CNBD1: variants seen among roughly 807,000 people sequenced by gnomAD.
CNBD1 encodes the protein cyclic nucleotide binding domain containing 1, also known as cyclic nucleotide-binding domain-containing protein 1.
CNBD1 carries 71 observed loss-of-function variants against 54.4 expected under a neutral mutation model. The observed-to-expected ratio is 1.30, with a 90% CI of 1.08 to 1.59. The LOEUF is 1.59. Ranked by LOEUF, CNBD1 falls within the 40% of genes most tolerant of loss-of-function variation. The pLI is 0.00. For missense variants in CNBD1, 659 were observed against 518.0 expected, an observed-to-expected ratio of 1.27 and a Z score of -2.64; for synonymous variants, 182 against 170.7, an observed-to-expected ratio of 1.07 and a Z score of -0.51.
At chr8:87,277,643 G>T (rs985080507) in intron 6 of CNBD1, among the ~76,000 whole-genome samples, 6 of 151,640 alleles carry the variant, frequency 4.0e-5, no homozygotes, top group Non-Finnish European at 5.9e-5. Context: ...CAGTCTATCA[G>T]TTGAAACCCA....
chr8:87,332,080 G>A (rs932515490), intron 8 of CNBD1, among the ~76,000 whole-genome samples: 2 of 152,058 alleles, frequency 1.3e-5, no homozygotes, highest in East Asian at 3.9e-4. Context: ...GGGCGTTGGG[G>A]CTCATACTTG....
chr8:87,192,318 G>A (rs538298351), intron 4 of CNBD1, among the ~76,000 whole-genome samples: 3 of 152,082 alleles, frequency 2.0e-5, no homozygotes, highest in East Asian at 3.9e-4. Context: ...TTATAAATTT[G>A]TATTCTTTTT....
At chr8:86,934,946 G>T (rs1217123173) in intron 3 of CNBD1, among the ~76,000 whole-genome samples, 1 of 152,090 alleles carries the variant, frequency 6.6e-6, no homozygotes, top group Non-Finnish European at 1.5e-5. Flanking sequence ...GGCTAGGCTG[G>T]CCTCATAAAA....
chr8:87,258,510 G>T (rs1359811328), intron 6 of CNBD1, among the ~76,000 whole-genome samples: 1 of 151,696 alleles, frequency 6.6e-6, no homozygotes, highest in Non-Finnish European at 1.5e-5. Context: ...TGCAACCACT[G>T]CAACTCCTAA....
At chr8:86,936,116 G>T (rs1696063317) in intron 3 of CNBD1, among the ~76,000 whole-genome samples, 1 of 151,940 alleles carries the variant, frequency 6.6e-6, no homozygotes, top group Admixed American at 6.6e-5. Context: ...TCCATCCTGG[G>T]TGACAAAGAT....
intron 2 of CNBD1, among the ~76,000 whole-genome samples, chr8:87,405,875 T>G (rs368977386): frequency 1.3e-5 from 2 of 152,148 alleles, no homozygotes; most frequent in Non-Finnish European, 2.9e-5. Context: ...ATTATTGATA[T>G]CTATTTCATC....
At chr8:87,046,585 T>G (rs866528253) in intron 4 of CNBD1, among the ~76,000 whole-genome samples, 1 of 152,064 alleles carries the variant, frequency 6.6e-6, no homozygotes, top group Non-Finnish European at 1.5e-5. Flanking sequence ...CCCTGTCCCT[T>G]GAAGGGAGGA....
At chr8:87,035,282 A>G (rs1213446333) in intron 4 of CNBD1, among the ~76,000 whole-genome samples, 1 of 152,178 alleles carries the variant, frequency 6.6e-6, no homozygotes. Flanking sequence ...TAACCCAAAT[A>G]TTGAATATTG....
rs7013347 is a variant in CNBD1 at position 87,141,288 on chromosome 8, G to A, written c.432-64705G>A. ...CCAGTGATATGATGTAGAAATCAAT[G>A]CTGTTGTTACTAACTTAATGGAAGT... On this transcript the variant is annotated intron_variant, in intron 4 of 10. Transcript: ENST00000518476. Among the ~76,000 whole-genome samples the A allele has an allele frequency of 3.0e-3, 464 of 152,170 alleles. 4 individuals are homozygous for A. Among genetic ancestry groups the A allele is most frequent in the African/African-American group, 0.01 (434 of 41,540 alleles).
rs148621436 is a variant in CNBD1 at position 87,159,895 on chromosome 8, G to T, written c.432-46098G>T. Among the ~76,000 whole-genome samples the T allele has an allele frequency of 2.7e-3, 413 of 151,750 alleles. 3 individuals are homozygous for T. Among genetic ancestry groups the T allele is most frequent in the African/African-American group, 9.6e-3 (397 of 41,378 alleles). The stretch of plus-strand genomic sequence containing the variant: ...GTAGCATTTATATTTAAAGGGGGTG[G>T]ATATATTTTTAATATTTTAACAGAT... On this transcript the variant is annotated intron_variant, in intron 4 of 10. Coordinates refer to ENST00000518476, the MANE Select transcript of CNBD1 (RefSeq NM_173538.3).
chr8:87,189,794 C>A (rs902180319), intron 4 of CNBD1, among the ~76,000 whole-genome samples: 2 of 152,068 alleles, frequency 1.3e-5, no homozygotes, highest in Admixed American at 1.3e-4. Flanking sequence ...CAAATAAAAT[C>A]AATTGTTATT....
At chr8:87,381,235 A>G (rs958651764) in intron 10 of CNBD1, among the ~76,000 whole-genome samples, 1 of 152,090 alleles carries the variant, frequency 6.6e-6, no homozygotes, top group Non-Finnish European at 1.5e-5. Context: ...ACTTGAATAT[A>G]CATTTCTCTA....
chr8:87,308,192 G>A (rs1173527556), intron 8 of CNBD1, among the ~76,000 whole-genome samples: 2 of 152,012 alleles, frequency 1.3e-5, no homozygotes, highest in South Asian at 4.2e-4. Context: ...AATTTACTTG[G>A]GCCAGGGGAT....
At chr8:87,296,867 G>A (rs1383425493) in intron 8 of CNBD1, among the ~76,000 whole-genome samples, 1 of 151,860 alleles carries the variant, frequency 6.6e-6, no homozygotes, top group African/African-American at 2.4e-5. Context: ...AAATTTTCTA[G>A]CACATACATT....
intron 4 of CNBD1, among the ~76,000 whole-genome samples, chr8:87,036,973 C>A (rs1809963689): frequency 6.6e-6 from 1 of 152,198 alleles, no homozygotes; most frequent in Non-Finnish European, 1.5e-5. Flanking sequence ...CAAATGATGT[C>A]TCTTCTTCTC....
At chr8:87,189,436 C>A (rs1317315297) in intron 4 of CNBD1, among the ~76,000 whole-genome samples, 2 of 152,050 alleles carry the variant, frequency 1.3e-5, no homozygotes, top group African/African-American at 4.8e-5. Flanking sequence ...CTTCAATTTT[C>A]TTCTGCTGAA....
chr8:87,386,797 C>T (rs1811199302), downstream of CNBD1, among the ~76,000 whole-genome samples: 2 of 152,174 alleles, frequency 1.3e-5, no homozygotes, highest in South Asian at 2.1e-4. Flanking sequence ...CTCCAAGACA[C>T]ATAATTGTCA....
At position 87,327,406 on chromosome 8, in the gene CNBD1, G is replaced by C. The variant is rs914185901; in HGVS notation, c.1043-24279G>C. Among the ~76,000 whole-genome samples, 5 of 151,878 alleles carry C rather than the reference G, an allele frequency of 3.3e-5. 1 individual carries two copies. The highest frequency in any genetic ancestry group is 4.1e-4 in the South Asian group (2 of 4,822). ...TGGTGGGCGCCCCTCCCCCACCCTC[G>C]CTGCTGCCTTGCAGTTTGATCTCAG... On this transcript the variant is annotated intron_variant, in intron 8 of 10. Coordinates refer to ENST00000518476, the MANE Select transcript of CNBD1 (RefSeq NM_173538.3).
chr8:87,186,119 T>C (rs1813470741), intron 4 of CNBD1, among the ~76,000 whole-genome samples: 1 of 152,164 alleles, frequency 6.6e-6, no homozygotes, highest in African/African-American at 2.4e-5. Context: ...TAATCCATAT[T>C]TAACAGAAAC....
Sources: allele counts gnomAD v4.1 joint callset (sites outside exome capture counted in the v4.1 genomes callset), GRCh38; gene constraint gnomAD v4.1.1; transcripts MANE v1.5; gene names NCBI Gene and HGNC (gene_info 2026-07-23, HGNC 2026-07-21).